The following SGCZ variants were observed in gnomAD, a reference collection of about 807,000 sequenced individuals.
The protein encoded by SGCZ is sarcoglycan zeta.
In SGCZ, 40 loss-of-function variants were observed where a neutral mutation model predicts 41.3. The observed-to-expected ratio is 0.97, with a 90% confidence interval of 0.75 to 1.26. The LOEUF is 1.26. Ranked by LOEUF, SGCZ falls within the 50% of genes most tolerant of loss-of-function variation. The pLI, the probability that SGCZ is intolerant of heterozygous loss-of-function variation, is 0.00. For missense variants in SGCZ, 552 were observed against 369.8 expected, an observed-to-expected ratio of 1.49 and a Z score of -4.04; for synonymous variants, 206 against 137.5, an observed-to-expected ratio of 1.50 and a Z score of -3.49.
intron 1 of SGCZ, among the ~76,000 whole-genome samples, chr8:15,232,911 C>T (rs1286003841): frequency 1.3e-5 from 2 of 150,944 alleles, no homozygotes; most frequent in South Asian, 2.1e-4. Flanking sequence ...TAATTTTTTC[C>T]ACATTATAGA....
At chr8:14,587,991 C>G (rs1206741904) in intron 1 of SGCZ, among the ~76,000 whole-genome samples, 1 of 151,954 alleles carries the variant, frequency 6.6e-6, no homozygotes, top group Non-Finnish European at 1.5e-5. Flanking sequence ...TCAGTGGCAT[C>G]TTTACAAAAA....
intron 1 of SGCZ, among the ~76,000 whole-genome samples, chr8:14,709,814 T>C (rs1427313155): frequency 6.6e-6 from 1 of 152,212 alleles, no homozygotes; most frequent in Non-Finnish European, 1.5e-5. Context: ...CATTTATTGA[T>C]GCCTTACTAT....
intron 6 of SGCZ, among the ~76,000 whole-genome samples, chr8:14,103,084 T>C (rs1802084504): frequency 1.3e-5 from 2 of 152,152 alleles, no homozygotes; most frequent in South Asian, 4.1e-4. Flanking sequence ...ACTAATTCTG[T>C]TGGCCCCGTG....
intron 2 of SGCZ, among the ~76,000 whole-genome samples, chr8:14,445,215 C>A (rs1254659757): frequency 6.6e-6 from 1 of 152,230 alleles, no homozygotes; most frequent in Admixed American, 6.5e-5. Flanking sequence ...TAAAACTCCA[C>A]CTTCAAGCCA....
intron 1 of SGCZ, among the ~76,000 whole-genome samples, chr8:15,093,570 G>C (rs1228887788): frequency 1.3e-5 from 2 of 152,136 alleles, no homozygotes; most frequent in Admixed American, 1.3e-4. Context: ...ACAAAGTCAT[G>C]TAGTGTAAAC....
intron 1 of SGCZ, among the ~76,000 whole-genome samples, chr8:14,580,948 A>G (rs1355440878): frequency 6.6e-6 from 1 of 152,204 alleles, no homozygotes; most frequent in African/African-American, 2.4e-5. Context: ...GGAAAAGTAA[A>G]TTGAAATTAA....
In SGCZ at chr8:14,188,061, A is replaced by G. The variant is rs867222481; in HGVS notation, c.425-23359T>C. Among the ~76,000 whole-genome samples, 6 of 152,308 alleles carry G rather than the reference A, an allele frequency of 3.9e-5. No individual in the cohort carries two copies. The South Asian group carries it at 1.2e-3, about 32-fold the overall frequency. On this transcript the variant is annotated intron_variant, in intron 4 of 7. Coordinates refer to ENST00000382080, the MANE Select transcript of SGCZ (RefSeq NM_139167.4). ...ATTCAAAGTGTTCAGATTTAAAAAA[A>G]AAGTCAACCAAGAGTTCTATAGGCA...
intron 1 of SGCZ, among the ~76,000 whole-genome samples, chr8:14,977,575 T>G (rs1239760967): frequency 6.6e-6 from 1 of 152,146 alleles, no homozygotes; most frequent in African/African-American, 2.4e-5. Context: ...GCCAATCACC[T>G]TAATCCTAGT....
intron 1 of SGCZ, among the ~76,000 whole-genome samples, chr8:14,952,519 G>C (rs117385114): frequency 0.018 from 2,717 of 152,144 alleles, 40 homozygotes; most frequent in Non-Finnish European, 0.026. Flanking sequence ...ACCTTTGTTC[G>C]ATAATGTTGA....
At chr8:14,674,202 T>C (rs1808199751) in intron 1 of SGCZ, among the ~76,000 whole-genome samples, 1 of 152,154 alleles carries the variant, frequency 6.6e-6, no homozygotes, top group Non-Finnish European at 1.5e-5. Flanking sequence ...AATCCCTTTT[T>C]CTTGTTTTTT....
At chr8:14,479,421 G>C (rs1801458923) in intron 2 of SGCZ, among the ~76,000 whole-genome samples, 4 of 152,128 alleles carry the variant, frequency 2.6e-5, no homozygotes, top group Admixed American at 1.3e-4. Context: ...TGCTCACTTA[G>C]ATTGAGGGTG....
chr8:15,034,876 A>C (rs1376270561), intron 1 of SGCZ, among the ~76,000 whole-genome samples: 2 of 152,214 alleles, frequency 1.3e-5, no homozygotes, highest in Non-Finnish European at 2.9e-5. Context: ...TTCAGACATT[A>C]AGGACAGATA....
At chr8:14,833,804 G>C (rs1203010680) in intron 1 of SGCZ, among the ~76,000 whole-genome samples, 1 of 140,572 alleles carries the variant, frequency 7.1e-6, no homozygotes, top group African/African-American at 2.8e-5. Flanking sequence ...AGAAATTATG[G>C]AGCTAGGGAT....
At chr8:14,901,792 AT>A (rs1482830626) in intron 1 of SGCZ, among the ~76,000 whole-genome samples, 1 of 152,170 alleles carries the variant, frequency 6.6e-6, no homozygotes, top group Middle Eastern at 3.2e-3. Context: ...GAAAATATCT[AT>A]TTTTGTATGT....
chr8:14,826,790 C>T (rs998163985), intron 1 of SGCZ, among the ~76,000 whole-genome samples: 1 of 151,930 alleles, frequency 6.6e-6, no homozygotes, highest in Non-Finnish European at 1.5e-5. Flanking sequence ...TGTTTGTTTT[C>T]TTCTTGTAAA....
At chr8:14,994,535 G>C (rs1018849523) in intron 1 of SGCZ, among the ~76,000 whole-genome samples, 22 of 151,462 alleles carry the variant, frequency 1.5e-4, no homozygotes, top group African/African-American at 4.1e-4. Flanking sequence ...AGTGAGTCGA[G>C]ATTGTGCCAC....
intron 3 of SGCZ, among the ~76,000 whole-genome samples, chr8:14,261,795 T>G (rs1799676948): frequency 6.6e-6 from 1 of 152,210 alleles, no homozygotes; most frequent in South Asian, 2.1e-4. Context: ...TTCATTAGGG[T>G]ATGGACTAAC....
At chr8:14,874,909 C>T (rs1035881568) in intron 1 of SGCZ, among the ~76,000 whole-genome samples, 3 of 152,054 alleles carry the variant, frequency 2.0e-5, no homozygotes, top group Non-Finnish European at 4.4e-5. Context: ...AACTAAAGTC[C>T]CAAGTCAATT....
At chr8:14,412,023 G>A (rs1223822944) in intron 2 of SGCZ, among the ~76,000 whole-genome samples, 1 of 152,022 alleles carries the variant, frequency 6.6e-6, no homozygotes, top group Non-Finnish European at 1.5e-5. Flanking sequence ...CATCTTCTTT[G>A]TTCACAACAA....
Sources: gnomAD v4.1 joint callset for allele counts (sites outside exome capture counted in the v4.1 genomes callset) on GRCh38, gnomAD v4.1.1 for gene constraint, MANE v1.5 for transcripts, NCBI Gene and HGNC (gene_info 2026-07-23, HGNC 2026-07-21) for gene names.